PRKG1: variants seen among roughly 807,000 people sequenced by gnomAD.
PRKG1 encodes protein kinase cGMP-dependent 1, also known as cGMP-dependent protein kinase 1.
In PRKG1, 35 loss-of-function variants were observed where a neutral mutation model predicts 88.1. The ratio of observed to expected loss-of-function variants is 0.40; its 90% CI spans 0.30 to 0.53. The LOEUF (loss-of-function observed/expected upper bound fraction) is 0.53. PRKG1 is among the 20% of genes least tolerant of loss of function. PRKG1 has a pLI of 0.59. For synonymous variants in PRKG1, 303 were observed against 292.5 expected (o/e 1.04, Z -0.37); for missense variants, 540 against 839.8 (o/e 0.64, Z 4.41).
At chr10:52,104,745 C>T (rs910814043) in intron 7 of PRKG1, among the ~76,000 whole-genome samples, 1 of 152,158 alleles carries the variant, frequency 6.6e-6, no homozygotes, top group African/African-American at 2.4e-5. Context: ...AACTAAGACA[C>T]ATTATCATAT....
intron 5 of PRKG1, among the ~76,000 whole-genome samples, chr10:51,945,401 CTT>C (rs1195174099): frequency 6.6e-6 from 1 of 151,026 alleles, no homozygotes; most frequent in African/African-American, 2.4e-5. Context: ...GGTCTTGACT[CTT>C]TATCCAATTT....
At chr10:51,280,833 G>C (rs1455320770) in intron 2 of PRKG1, among the ~76,000 whole-genome samples, 1 of 152,156 alleles carries the variant, frequency 6.6e-6, no homozygotes, top group Non-Finnish European at 1.5e-5. Context: ...GCTCAGAGAA[G>C]TTTGATCATC....
At chr10:52,167,515 A>G (rs1453627343) in intron 9 of PRKG1, among the ~76,000 whole-genome samples, 1 of 152,108 alleles carries the variant, frequency 6.6e-6, no homozygotes, top group Non-Finnish European at 1.5e-5. Flanking sequence ...TCATTTTAAT[A>G]GTAGCTGACA....
intron 9 of PRKG1, among the ~76,000 whole-genome samples, chr10:52,247,229 G>A (rs1295166010): frequency 6.6e-6 from 1 of 152,052 alleles, no homozygotes; most frequent in African/African-American, 2.4e-5. Context: ...AAAATGATTA[G>A]AAAATGTGTT....
At chr10:51,966,387 ATT>A (rs948351852) in intron 5 of PRKG1, among the ~76,000 whole-genome samples, 1 of 151,868 alleles carries the variant, frequency 6.6e-6, no homozygotes, top group Non-Finnish European at 1.5e-5. Context: ...TGAATTCAAC[ATT>A]TTTTTGTGTC....
intron 3 of PRKG1, among the ~76,000 whole-genome samples, chr10:51,792,310 T>C (rs1838888536): frequency 2.0e-5 from 3 of 152,140 alleles, no homozygotes; most frequent in Non-Finnish European, 4.4e-5. Context: ...ACTTATTTCT[T>C]AGAGAAAAAA....
chr10:51,979,405 G>C (rs12257324), intron 5 of PRKG1, among the ~76,000 whole-genome samples: 1 of 59,636 alleles, frequency 1.7e-5, no homozygotes, highest in Admixed American at 2.2e-4. Context: ...CATGGATATT[G>C]GTCTGTTTTT....
At chr10:51,902,252 G>A (rs1409839481) in intron 4 of PRKG1, among the ~76,000 whole-genome samples, 1 of 152,018 alleles carries the variant, frequency 6.6e-6, no homozygotes, top group African/African-American at 2.4e-5. Flanking sequence ...AAACACCTGG[G>A]ATTACAGGCA....
intron 10 of PRKG1, among the ~76,000 whole-genome samples, chr10:52,270,856 A>C (rs1287815137): frequency 6.6e-6 from 1 of 151,936 alleles, no homozygotes; most frequent in Non-Finnish European, 1.5e-5. Context: ...CGTACCCTAG[A>C]ACTTAAAGTA....
intron 7 of PRKG1, among the ~76,000 whole-genome samples, chr10:52,064,513 A>C (rs1049910963): frequency 6.6e-6 from 1 of 152,068 alleles, no homozygotes; most frequent in South Asian, 2.1e-4. Context: ...TAGTCCCCCA[A>C]CAGCACAGGG....
At chr10:51,862,829 A>G (rs1840917819) in intron 4 of PRKG1, among the ~76,000 whole-genome samples, 1 of 152,174 alleles carries the variant, frequency 6.6e-6, no homozygotes, top group African/African-American at 2.4e-5. Flanking sequence ...GGGTAGCTGT[A>G]TTCTGACTAC....
intron 5 of PRKG1, among the ~76,000 whole-genome samples, chr10:51,977,884 G>A (rs1400485788): frequency 6.6e-6 from 1 of 152,006 alleles, no homozygotes; most frequent in Non-Finnish European, 1.5e-5. Context: ...TTTATCAGAT[G>A]CAAAGTTTGC....
intron 3 of PRKG1, among the ~76,000 whole-genome samples, chr10:51,795,918 A>G (rs1838998957): frequency 6.6e-6 from 1 of 152,102 alleles, no homozygotes; most frequent in South Asian, 2.1e-4. Flanking sequence ...TCCCTGAAAA[A>G]CATGGTCCAA....
chr10:51,996,665 AC>A (rs1844451263), intron 5 of PRKG1, among the ~76,000 whole-genome samples: 7 of 152,130 alleles, frequency 4.6e-5, no homozygotes, highest in Admixed American at 4.6e-4. Context: ...AGAAAAGGGA[AC>A]CCTTGGACAC....
At chr10:51,565,699 C>T (rs1421625693) in intron 3 of PRKG1, among the ~76,000 whole-genome samples, 1 of 152,034 alleles carries the variant, frequency 6.6e-6, no homozygotes, top group Non-Finnish European at 1.5e-5. Context: ...AAACTTAAAA[C>T]ACTTGTTCCT....
chr10:51,281,135 C>G (rs1008629139), intron 2 of PRKG1, among the ~76,000 whole-genome samples: 7 of 152,182 alleles, frequency 4.6e-5, no homozygotes, highest in African/African-American at 1.2e-4. Flanking sequence ...CCACTCCGAC[C>G]CTGTTTGCCT....
chr10:51,565,466 TAC>T (rs367545536), intron 3 of PRKG1, among the ~76,000 whole-genome samples: 185 of 152,206 alleles, frequency 1.2e-3, no homozygotes, highest in African/African-American at 4.3e-3. Context: ...CATCAAACTG[TAC>T]AGTCAGTACT....
At position 52,288,843 on chromosome 10, in the gene PRKG1, A is replaced by C; in HGVS notation, c.1827A>C (p.Leu609=). Residue 609 remains leucine (L), a synonymous_variant, in exon 15 of 18, where the codon CTA becomes CTC. Coordinates refer to ENST00000373980, the MANE Select transcript of PRKG1 (RefSeq NM_006258.4). The part of the protein sequence containing the change: ...AKNAANLIKK[L]CRDNPSERLG... ...ATGCTGCTAATTTAATTAAAAAACT[A>C]TGCAGGTAAGTATTTCAACCACATT... 1 of 1,601,932 alleles carries C rather than the reference A, an allele frequency of 6.2e-7. No homozygotes were observed. Among genetic ancestry groups the C allele is most frequent in the Non-Finnish European group, 8.5e-7 (1 of 1,175,320 alleles).
Position 51,735,873 on chromosome 10 carries a change from A to G in PRKG1, c.593-68712A>G, listed in dbSNP as rs57677694. 9.9e-3 allele frequency among the ~76,000 whole-genome samples: 958 copies of G among 97,166 alleles called. 12 individuals carry two copies. The highest frequency in any genetic ancestry group is 0.042 in the African/African-American group (886 of 20,938). The allele number at this position is 97,166 out of a possible 152,430, so 63.7% of individuals were successfully genotyped here. A position where few individuals can be genotyped will look rare whatever the true frequency, so the allele number is the denominator to read the frequency against. Reference sequence around the variant, plus strand: ...TGACTGCATATATATATATATATATATATATATGTATATTTATTTATTTAT... The same window carrying G: ...TGACTGCATATATATATATATATATGTATATATGTATATTTATTTATTTAT... On this transcript the variant is annotated intron_variant, in intron 3 of 17. Coordinates refer to ENST00000373980, the MANE Select transcript of PRKG1 (RefSeq NM_006258.4).
Sources: allele counts gnomAD v4.1 joint callset (sites outside exome capture counted in the v4.1 genomes callset), GRCh38; gene constraint gnomAD v4.1.1; transcripts MANE v1.5; gene names NCBI Gene and HGNC (gene_info 2026-07-23, HGNC 2026-07-21).